Variants in DTNA observed in about 807,000 individuals in gnomAD.
The protein encoded by DTNA is dystrophin-related protein 3.
In DTNA, 43 loss-of-function variants were observed where a neutral mutation model predicts 100.7. The observed-to-expected ratio is 0.43, with a 90% confidence interval of 0.33 to 0.55. The LOEUF is 0.55. Ranked by LOEUF, DTNA falls within the 20% of genes least tolerant of loss-of-function variation. The pLI is 0.04. For missense variants in DTNA, 798 were observed against 953.9 expected (o/e 0.84, Z 2.15); for synonymous variants, 349 against 347.9 (o/e 1.00, Z -0.04).
rs1036013774 is a variant in DTNA at position 34,598,012 on chromosome 18, A to G, written c.-2+104498A>G. 2.7e-4 allele frequency among the ~76,000 whole-genome samples: 41 copies of G among 152,242 alleles called. 1 individual carries two copies. Among genetic ancestry groups the G allele is most frequent in the Admixed American group, 6.5e-5 (1 of 15,286 alleles). ...ATGTTTAAGAAATGAACAGATGACT[A>G]TTCAGAAGAAGTTTGTTTCTGAGGA... On this transcript the variant is annotated intron_variant, in intron 1 of 19. Coordinates refer to the DTNA transcript ENST00000283365.
At chr18:34,804,775 C>T (rs529355289) in intron 4 of DTNA, among the ~76,000 whole-genome samples, 2 of 152,206 alleles carry the variant, frequency 1.3e-5, no homozygotes, top group South Asian at 4.2e-4. Flanking sequence ...TAAATGATTA[C>T]ATAAATCTGG....
In DTNA at chr18:34,731,874, A is replaced by G. The variant is rs748538189; in HGVS notation, c.-2+21429A>G. ...TTTCTTTCTTTACAGTTTTAACTTT[A>G]TAGGGGAAAGAAGTGACAGGGCAGG... On this transcript the variant is annotated intron_variant, in intron 1 of 22. Coordinates refer to ENST00000444659, the MANE Select transcript of DTNA (RefSeq NM_001386795.1). 9.2e-5 allele frequency among the ~76,000 whole-genome samples: 14 copies of G among 152,182 alleles called. No individual in the cohort carries two copies. In the East Asian group the frequency reaches 1.2e-3, roughly 13 times the overall value.
chr18:34,724,500 C>A (rs1407762094), intron 1 of DTNA, among the ~76,000 whole-genome samples: 7 of 152,170 alleles, frequency 4.6e-5, no homozygotes, highest in Admixed American at 3.9e-4. Context: ...GCAGGTTGTA[C>A]ACAAAGCATA....
At chr18:34,655,024 G>A (rs945020659) in intron 1 of DTNA, among the ~76,000 whole-genome samples, 2 of 151,954 alleles carry the variant, frequency 1.3e-5, no homozygotes, top group Non-Finnish European at 2.9e-5. Flanking sequence ...ACCGTGCCCG[G>A]CCTAATTTTT....
intron 9 of DTNA, 178 bp downstream of exon 9, chr18:34,821,093 C>A: frequency 1.2e-6 from 1 of 866,562 alleles, no homozygotes; most frequent in Non-Finnish European, 1.9e-6. Context: ...TACAGTACTT[C>A]CACCAGGCTG....
At chr18:34,686,676 T>C (rs1332274590) in intron 1 of DTNA, among the ~76,000 whole-genome samples, 1 of 152,184 alleles carries the variant, frequency 6.6e-6, no homozygotes, top group Admixed American at 6.5e-5. Context: ...GTGGAGTCCC[T>C]CTTTTTCTTT....
intron 1 of DTNA, among the ~76,000 whole-genome samples, chr18:34,686,764 G>T (rs1223084130): frequency 1.3e-5 from 2 of 152,058 alleles, no homozygotes; most frequent in African/African-American, 4.8e-5. Flanking sequence ...AATCCGTCTA[G>T]TCCTGGGTTT....
At chr18:34,680,016 A>C (rs906284912) in intron 1 of DTNA, among the ~76,000 whole-genome samples, 2 of 152,176 alleles carry the variant, frequency 1.3e-5, no homozygotes, top group African/African-American at 4.8e-5. Flanking sequence ...AAACTGAAGG[A>C]AAATTTGATG....
chr18:34,821,279 G>C (rs985617587), intron 9 of DTNA, among the ~76,000 whole-genome samples: 1 of 152,166 alleles, frequency 6.6e-6, no homozygotes, highest in Non-Finnish European at 1.5e-5. Flanking sequence ...TGTGCTTTGA[G>C]TTCCAAATAT....
At chr18:34,537,396 GA>G (rs2043820423) in intron 1 of DTNA, among the ~76,000 whole-genome samples, 1 of 151,894 alleles carries the variant, frequency 6.6e-6, no homozygotes, top group Non-Finnish European at 1.5e-5. Context: ...AAAAGTCACA[GA>G]AGCATGACTC....
chr18:34,888,840 G>A lies in DTNA; in HGVS notation c.*1106G>A, dbSNP rs556133189. The A allele has an allele frequency of 1.4e-4, 137 of 985,858 alleles. 1 individual carries two copies. The highest frequency in any genetic ancestry group is 1.4e-3 in the South Asian group (29 of 21,290). 61.1% of individuals were successfully genotyped at this position (985,858 alleles called of 1,614,324 possible). A position where few individuals can be genotyped will look rare whatever the true frequency, so the allele number is the denominator to read the frequency against. On this transcript the variant is annotated 3_prime_UTR_variant, in exon 23 of 23. Transcript: ENST00000444659. ...CTTTAAATGTACAGGCTTAAAGTGC[G>A]CTTGCAAACGTTTGCTCTCCTTTTT...
chr18:34,718,143 G>C (rs1275039591), intron 1 of DTNA, among the ~76,000 whole-genome samples: 1 of 152,070 alleles, frequency 6.6e-6, no homozygotes, highest in Non-Finnish European at 1.5e-5. Flanking sequence ...GAAACTGAGC[G>C]TATCTTACAA....
At chr18:34,780,651 C>G (rs2094278963) in intron 3 of DTNA, among the ~76,000 whole-genome samples, 1 of 152,160 alleles carries the variant, frequency 6.6e-6, no homozygotes, top group Non-Finnish European at 1.5e-5. Flanking sequence ...TCATAATCAT[C>G]ATTTTCTTCT....
intron 1 of DTNA, among the ~76,000 whole-genome samples, chr18:34,580,168 T>G (rs2048479519): frequency 2.0e-5 from 3 of 152,160 alleles, no homozygotes; most frequent in Admixed American, 2.0e-4. Flanking sequence ...TGTTTTGCTC[T>G]TTTTGATAAT....
intron 1 of DTNA, among the ~76,000 whole-genome samples, chr18:34,594,592 C>T (rs895460557): frequency 2.0e-5 from 3 of 152,166 alleles, no homozygotes; most frequent in Non-Finnish European, 4.4e-5. Context: ...GTTGGCTAAA[C>T]TAGGTACAAA....
chr18:34,837,291 G>A (rs951364059), intron 11 of DTNA, among the ~76,000 whole-genome samples: 6 of 152,092 alleles, frequency 3.9e-5, no homozygotes, highest in Admixed American at 2.0e-4. Flanking sequence ...CATAGTTCTC[G>A]ATGTAGCATG....
intron 1 of DTNA, among the ~76,000 whole-genome samples, chr18:34,745,596 A>G (rs966979350): frequency 1.3e-5 from 2 of 152,158 alleles, no homozygotes; most frequent in Non-Finnish European, 2.9e-5. Flanking sequence ...TTCCTAGTGC[A>G]TGAGGAGCGC....
At chr18:34,598,646 G>A (rs12955064) in intron 1 of DTNA, among the ~76,000 whole-genome samples, 11,871 of 152,158 alleles carry the variant, frequency 0.078, 579 homozygotes, top group African/African-American at 0.12. Flanking sequence ...GGTGGATCAC[G>A]AGGTCAGGAG....
chr18:34,611,005 A>G (rs1174105146), intron 1 of DTNA, among the ~76,000 whole-genome samples: 2 of 152,236 alleles, frequency 1.3e-5, no homozygotes, highest in African/African-American at 4.8e-5. Flanking sequence ...GGATATCTTG[A>G]TAGAAAAGGC....
Sources: gnomAD v4.1 joint callset for allele counts (sites outside exome capture counted in the v4.1 genomes callset) on GRCh38, gnomAD v4.1.1 for gene constraint, MANE v1.5 for transcripts, NCBI Gene and HGNC (gene_info 2026-07-23, HGNC 2026-07-21) for gene names.